Variants in OR14A2 observed in about 807,000 individuals in gnomAD.
The protein encoded by OR14A2 is olfactory receptor 14A2.
For missense variants in OR14A2, 237 were observed against 152.9 expected (o/e 1.55, Z -2.90); for synonymous variants, 114 against 58.6 (o/e 1.95, Z -4.32).
At chr1:247,724,143 C>T, upstream of OR14A2, 2 of 566,902 alleles carry the variant, frequency 3.5e-6, no homozygotes, top group South Asian at 5.2e-5. Context: ...TAGCAAGAGT[C>T]ATATTGATAT....
At chr1:247,735,696 G>A in the OR14A2 span, among the ~76,000 whole-genome samples, 1 of 152,232 alleles carries the variant, frequency 6.6e-6, no homozygotes, top group South Asian at 2.1e-4. Context: ...AGGACATCAA[G>A]CAGAGCTTGG....
At chr1:247,725,586 T>C (rs1660327572), upstream of OR14A2, among the ~76,000 whole-genome samples, 1 of 149,428 alleles carries the variant, frequency 6.7e-6, no homozygotes, top group East Asian at 1.9e-4. Context: ...ATTGTGCAGG[T>C]TAGTTACATA....
chr1:247,726,800 C>G (rs1291818688), upstream of OR14A2, among the ~76,000 whole-genome samples: 1 of 122,328 alleles, frequency 8.2e-6, no homozygotes, highest in Non-Finnish European at 1.7e-5. Context: ...ATCCTTTCCC[C>G]ATTGCTTGTT....
chr1:247,743,017 G>A, the OR14A2 span, among the ~76,000 whole-genome samples: 2 of 152,090 alleles, frequency 1.3e-5, no homozygotes, highest in East Asian at 1.9e-4. Context: ...TAATTAATTT[G>A]CATTTAAAAA....
Position 247,723,856 on chromosome 1 carries a change from TTCTTCAG to T in OR14A2, c.181_187del (p.Leu61ThrfsTer22). Reference sequence around the variant, plus strand: ...CAGGAAGACATCCAAAAAGGATAAGTTCTTCAGGAAGAAGTACATGGGTGTTTGGAGC... The same window carrying T: ...CAGGAAGACATCCAAAAAGGATAAGTGAAGAAGTACATGGGTGTTTGGAGC... On this transcript the variant is annotated frameshift_variant, in exon 1 of 1. Transcript: ENST00000366485. LOFTEE classifies it low-confidence loss of function (END_TRUNC). The T allele has an allele frequency of 1.4e-6, 1 of 717,754 alleles. No homozygotes were observed. The highest frequency in any genetic ancestry group is 2.6e-6 in the Non-Finnish European group (1 of 385,030). The allele number at this position is 717,754 out of a possible 1,614,324, so 44.5% of individuals were successfully genotyped here.
the OR14A2 span, among the ~76,000 whole-genome samples, chr1:247,735,366 C>G: frequency 2.6e-5 from 4 of 152,134 alleles, no homozygotes; most frequent in Non-Finnish European, 5.9e-5. Flanking sequence ...GTACACACAC[C>G]AAAATTTAAG....
chr1:247,723,697 A>G (rs1660260938), exon 1 of OR14A2: 1 of 718,732 alleles, frequency 1.4e-6, no homozygotes, highest in African/African-American at 1.7e-5. Flanking sequence ...GTCATAGGAC[A>G]TGGCAGTGAG....
the OR14A2 span, among the ~76,000 whole-genome samples, chr1:247,732,731 AC>A: frequency 6.6e-6 from 1 of 152,316 alleles, no homozygotes; most frequent in South Asian, 2.1e-4. Flanking sequence ...GATAAAGTAT[AC>A]TTCAACAATG....
chr1:247,724,783 G>A (rs911148803), upstream of OR14A2, among the ~76,000 whole-genome samples: 24 of 152,030 alleles, frequency 1.6e-4, no homozygotes, highest in Non-Finnish European at 2.6e-4. Flanking sequence ...TGTTTATAAA[G>A]GAATTTTGAC....
the OR14A2 span, among the ~76,000 whole-genome samples, chr1:247,737,914 C>T: frequency 6.6e-6 from 1 of 152,106 alleles, no homozygotes; most frequent in Non-Finnish European, 1.5e-5. Context: ...TTATGTTAAT[C>T]ATCTGGCTAA....
At chr1:247,746,288 T>TAGTG in the OR14A2 span, 19 of 152,168 alleles carry the variant, frequency 1.2e-4, no homozygotes, top group African/African-American at 4.1e-4. Flanking sequence ...CATTAGCTGT[T>TAGTG]AGTGACATTA....
At chr1:247,739,667 A>G in the OR14A2 span, 1 of 613,252 alleles carries the variant, frequency 1.6e-6, no homozygotes. Flanking sequence ...GAGTCTTGCT[A>G]CTGATAATCT....
upstream of OR14A2, chr1:247,724,091 A>G (rs993692208): frequency 6.3e-6 from 4 of 639,546 alleles, no homozygotes; most frequent in Admixed American, 2.8e-5. Context: ...ATGCAAAAAA[A>G]GAATAAAGGA....
chr1:247,724,754 A>G (rs1403104354), upstream of OR14A2, among the ~76,000 whole-genome samples: 1 of 152,128 alleles, frequency 6.6e-6, no homozygotes, highest in Non-Finnish European at 1.5e-5. Flanking sequence ...AAGCCACATC[A>G]TTATAAGGGT....
chr1:247,747,604 C>T, the OR14A2 span, among the ~76,000 whole-genome samples: 2 of 152,146 alleles, frequency 1.3e-5, no homozygotes, highest in African/African-American at 2.4e-5. Context: ...CCTCATGATC[C>T]GCCCGCCTCG....
upstream of OR14A2, among the ~76,000 whole-genome samples, chr1:247,725,653 G>T (rs1331294991): frequency 2.2e-5 from 3 of 138,892 alleles, no homozygotes; most frequent in Non-Finnish European, 4.7e-5. Flanking sequence ...CTAGCATTAG[G>T]TATATCTCCC....
chr1:247,743,484 AT>A, the OR14A2 span, among the ~76,000 whole-genome samples: 1 of 152,106 alleles, frequency 6.6e-6, no homozygotes, highest in Non-Finnish European at 1.5e-5. Flanking sequence ...ATCTGTGACA[AT>A]TTCTATGGTT....
chr1:247,745,592 T>G, the OR14A2 span, among the ~76,000 whole-genome samples: 1 of 152,114 alleles, frequency 6.6e-6, no homozygotes, highest in African/African-American at 2.4e-5. Flanking sequence ...AGCTTTAATT[T>G]TTCTTTTTTT....
chr1:247,742,882 A>G, the OR14A2 span, among the ~76,000 whole-genome samples: 4 of 152,218 alleles, frequency 2.6e-5, no homozygotes, highest in South Asian at 6.2e-4. Context: ...TTCTACAATT[A>G]AAAGTAATTT....
Sources: gnomAD v4.1 joint callset for allele counts (sites outside exome capture counted in the v4.1 genomes callset) on GRCh38, gnomAD v4.1.1 for gene constraint, MANE v1.5 for transcripts, NCBI Gene and HGNC (gene_info 2026-07-23, HGNC 2026-07-21) for gene names.